PDE6C: variants seen among roughly 807,000 people sequenced by gnomAD.
PDE6C encodes cone cGMP-specific 3',5'-cyclic phosphodiesterase subunit alpha'.
PDE6C carries 75 observed loss-of-function variants against 113.1 expected under a neutral mutation model. The ratio of observed to expected loss-of-function variants is 0.66; its 90% CI spans 0.55 to 0.80. The LOEUF is 0.80. Ranked by LOEUF, PDE6C falls within the 30% of genes least tolerant of loss-of-function variation. The probability of loss-of-function intolerance (pLI) is 0.00; values close to 1 mark genes in which losing one functional copy is unlikely to be tolerated. For synonymous variants in PDE6C, 375 were observed against 363.7 expected, an observed-to-expected ratio of 1.03 and a Z score of -0.35; for missense variants, 912 against 1,038.6, an observed-to-expected ratio of 0.88 and a Z score of 1.67.
chr10:93,639,576 T>C (rs2058549330), intron 11 of PDE6C, among the ~76,000 whole-genome samples: 1 of 152,212 alleles, frequency 6.6e-6, no homozygotes, highest in Non-Finnish European at 1.5e-5. Flanking sequence ...AGATTTGGGA[T>C]ATGGCAGCAA....
At chr10:93,650,758 G>A (rs1017646565) in intron 15 of PDE6C, among the ~76,000 whole-genome samples, 2 of 152,136 alleles carry the variant, frequency 1.3e-5, no homozygotes, top group South Asian at 2.1e-4. Flanking sequence ...ATGAAAAGTT[G>A]TAGCTGAGCA....
chr10:93,655,329 C>T (rs1403676716), intron 15 of PDE6C, among the ~76,000 whole-genome samples: 1 of 152,022 alleles, frequency 6.6e-6, no homozygotes, highest in East Asian at 1.9e-4. Context: ...TTTCTATGAT[C>T]ACTCTAAAAT....
chr10:93,641,236 T>C (rs1480153493), intron 14 of PDE6C, among the ~76,000 whole-genome samples: 1 of 152,196 alleles, frequency 6.6e-6, no homozygotes, highest in Admixed American at 6.5e-5. Context: ...CCCCCTTTCC[T>C]TTCTGTTTTC....
chr10:93,634,356 T>C (rs2058517581), intron 8 of PDE6C, among the ~76,000 whole-genome samples: 1 of 152,058 alleles, frequency 6.6e-6, no homozygotes, highest in South Asian at 2.1e-4. Context: ...GGTGGTTGGG[T>C]GGTAGCTAGA....
intron 1 of PDE6C, among the ~76,000 whole-genome samples, chr10:93,619,451 A>G (rs771889690): frequency 6.6e-6 from 1 of 151,830 alleles, no homozygotes; most frequent in African/African-American, 2.4e-5. Flanking sequence ...TTTGAGATAG[A>G]GTTTTGCTCT....
intron 15 of PDE6C, among the ~76,000 whole-genome samples, chr10:93,651,707 C>T (rs915610069): frequency 2.0e-5 from 3 of 152,202 alleles, no homozygotes; most frequent in African/African-American, 7.2e-5. Flanking sequence ...CATGAAGCTC[C>T]AGGCCTTCTA....
At chr10:93,623,369 C>T (rs1319930936) in intron 4 of PDE6C, among the ~76,000 whole-genome samples, 1 of 152,088 alleles carries the variant, frequency 6.6e-6, no homozygotes, top group East Asian at 1.9e-4. Flanking sequence ...AGTCCTTTAC[C>T]AAATATGTGA....
chr10:93,649,589 C>A (rs991464017), intron 15 of PDE6C, among the ~76,000 whole-genome samples: 2 of 152,026 alleles, frequency 1.3e-5, no homozygotes, highest in African/African-American at 2.4e-5. Flanking sequence ...AGTATATATA[C>A]AATAAACTGC....
At chr10:93,615,628 T>G (rs770584192) in intron 1 of PDE6C, among the ~76,000 whole-genome samples, 41 of 152,212 alleles carry the variant, frequency 2.7e-4, no homozygotes, top group Non-Finnish European at 1.0e-4. Flanking sequence ...GTGATCCACC[T>G]GTCTCGGACT....
intron 14 of PDE6C, among the ~76,000 whole-genome samples, chr10:93,641,719 C>G (rs188018302): frequency 6.6e-6 from 1 of 152,276 alleles, no homozygotes; most frequent in African/African-American, 2.4e-5. Context: ...TCCTATGGAG[C>G]ACTCCCCAGC....
At chr10:93,658,169 CAAAA>C (rs71031527) in intron 16 of PDE6C, among the ~76,000 whole-genome samples, 8,466 of 60,000 alleles carry the variant, frequency 0.14, 287 homozygotes, top group East Asian at 0.38. Flanking sequence ...GATTCTGTCT[CAAAA>C]AAAAAAAAAA....
At chr10:93,633,267 A>T (rs1402363269) in intron 8 of PDE6C, among the ~76,000 whole-genome samples, 1 of 152,074 alleles carries the variant, frequency 6.6e-6, no homozygotes, top group Non-Finnish European at 1.5e-5. Flanking sequence ...GGAGTTCAAG[A>T]TCAGCCTGGC....
intron 11 of PDE6C, 77 bp from the exon 12 acceptor site, chr10:93,639,993 C>G: frequency 6.8e-7 from 1 of 1,472,358 alleles, no homozygotes; most frequent in South Asian, 1.1e-5. Context: ...TTTTGGTTTA[C>G]ACCCAATGTT....
At chr10:93,640,014 G>A (rs2058551281) in intron 11 of PDE6C, 56 bp from the exon 12 acceptor site, 45 of 1,596,446 alleles carry the variant, frequency 2.8e-5, no homozygotes, top group Non-Finnish European at 3.6e-5. Flanking sequence ...GGCTATGGGA[G>A]TGGAAAGGGA....
rs745616019 is a variant in PDE6C, at chr10:93,658,962, GC to G, written c.2100del (p.Ile701SerfsTer4). 6.2e-7 allele frequency: 1 copy of G among 1,612,810 alleles called. No individual in the cohort carries two copies. Among genetic ancestry groups the G allele is most frequent in the Non-Finnish European group, 8.5e-7 (1 of 1,179,126 alleles). On this transcript the variant is annotated frameshift_variant, in exon 17 of 22. Coordinates refer to ENST00000371447, the MANE Select transcript of PDE6C (RefSeq NM_006204.4). LOFTEE classifies it high-confidence loss of function. Reference protein sequence around the residue: ...ACEQMQTEEEAIKYVTVDPTK... With the variant: ...ACEQMQTEEEXIKYVTVDPTK... Reference sequence around the variant, plus strand: ...TGAACAAATGCAAACGGAAGAAGAAGCCATCAAATATGTAACTGTTGATCCA... The same window carrying G: ...TGAACAAATGCAAACGGAAGAAGAAGCATCAAATATGTAACTGTTGATCCA...
intron 3 of PDE6C, 135 bp from the exon 4 acceptor site, chr10:93,621,797 T>C: frequency 1.2e-6 from 1 of 804,362 alleles, no homozygotes; most frequent in South Asian, 1.5e-5. Context: ...GTACACATGT[T>C]CAAAATCAGA....
In PDE6C at chr10:93,665,464, G is replaced by GAA; in HGVS notation, c.*49_*50dup. ...CTTCAAATATCATTTTACCTTTGAA[G>GAA]AAAACCAGAAAACATTCAAAAGAAC... is the stretch of plus-strand genomic sequence containing the variant. On this transcript the variant is annotated 3_prime_UTR_variant, in exon 22 of 22. Coordinates refer to ENST00000371447, the MANE Select transcript of PDE6C (RefSeq NM_006204.4). 4 of 1,202,882 alleles carry GAA rather than the reference G, an allele frequency of 3.3e-6. No individual in the cohort carries two copies. Among genetic ancestry groups the GAA allele is most frequent in the Non-Finnish European group, 5.0e-6 (4 of 806,136 alleles). 74.5% of individuals were successfully genotyped at this position (1,202,882 alleles called of 1,614,324 possible). A position where few individuals can be genotyped will look rare whatever the true frequency, so the allele number is the denominator to read the frequency against.
chr10:93,613,136 A>G lies in PDE6C; in HGVS notation c.411A>G (p.Pro137=), dbSNP rs764439225. 1 of 1,614,134 alleles carries G rather than the reference A, an allele frequency of 6.2e-7. No homozygotes were observed. Among genetic ancestry groups the G allele is most frequent in the East Asian group, 2.2e-5 (1 of 44,880 alleles). ...GCCCTGACAAAGAAGTTGTGTTTCC[A>G]TTGGACATTGGGATAGTGGGTTGGG... is the stretch of plus-strand genomic sequence containing the variant. ...LVGPDKEVVF[P]LDIGIVGWAA... is the part of the protein sequence containing the mutation. Residue 137 remains proline (P), a synonymous_variant, in exon 1 of 22, where the codon CCA becomes CCG. Transcript: ENST00000371447.
intron 13 of PDE6C, 131 bp downstream of exon 13, chr10:93,640,688 G>A: frequency 1.3e-6 from 1 of 764,318 alleles, no homozygotes; most frequent in Non-Finnish European, 2.3e-6. Context: ...CTCCGCTGCA[G>A]ATGAGTCCCA....
Sources: allele counts gnomAD v4.1 joint callset (sites outside exome capture counted in the v4.1 genomes callset), GRCh38; gene constraint gnomAD v4.1.1; transcripts MANE v1.5; gene names NCBI Gene and HGNC (gene_info 2026-07-23, HGNC 2026-07-21).